Variants in PTPRN2 observed in about 807,000 individuals in gnomAD.
PTPRN2 encodes receptor-type tyrosine-protein phosphatase N2.
Under a neutral mutation model 118.8 loss-of-function variants are expected in PTPRN2, and 74 were observed. The ratio of observed to expected loss-of-function variants is 0.62; its 90% CI spans 0.52 to 0.76. The LOEUF (loss-of-function observed/expected upper bound fraction) is 0.76. Among genes scored for constraint, PTPRN2 ranks in the 30% least tolerant of loss-of-function variants. PTPRN2 has a pLI of 0.00. For missense variants in PTPRN2, 1,481 were observed against 1,394.4 expected (o/e 1.06, Z -0.99); for synonymous variants, 641 against 608.0 (o/e 1.05, Z -0.80).
intron 1 of PTPRN2, among the ~76,000 whole-genome samples, chr7:158,579,184 T>C (rs1251534085): frequency 6.6e-6 from 1 of 152,228 alleles, no homozygotes; most frequent in African/African-American, 2.4e-5. Context: ...CTCATCCTTA[T>C]TGATGTAACC....
At chr7:158,341,873 C>A (rs1275204156) in intron 2 of PTPRN2, among the ~76,000 whole-genome samples, 1 of 102,708 alleles carries the variant, frequency 9.7e-6, no homozygotes. Flanking sequence ...GCCCCGCAGG[C>A]GTCACTCACA....
chr7:158,462,966 A>G (rs1819111724), intron 2 of PTPRN2, among the ~76,000 whole-genome samples: 1 of 30,284 alleles, frequency 3.3e-5, no homozygotes, highest in Non-Finnish European at 6.8e-5. Context: ...AACTGGTTCT[A>G]TTCCCTTGTG....
intron 2 of PTPRN2, among the ~76,000 whole-genome samples, chr7:158,337,404 G>A (rs1805850479): frequency 7.3e-6 from 1 of 136,820 alleles, no homozygotes. Flanking sequence ...ACCTGCAGAC[G>A]TCCCTCACAC....
chr7:157,757,409 C>A (rs1213206002), intron 12 of PTPRN2, among the ~76,000 whole-genome samples: 1 of 152,114 alleles, frequency 6.6e-6, no homozygotes, highest in African/African-American at 2.4e-5. Context: ...GCTCACCCTC[C>A]GACTGAGGCA....
intron 12 of PTPRN2, among the ~76,000 whole-genome samples, chr7:157,702,048 G>A (rs1408832997): frequency 2.0e-5 from 3 of 151,198 alleles, no homozygotes; most frequent in East Asian, 1.9e-4. Context: ...AGCCCGGTCG[G>A]TGCTGGTGTA....
intron 11 of PTPRN2, among the ~76,000 whole-genome samples, chr7:158,075,761 C>T (rs1464041755): frequency 8.5e-5 from 13 of 152,242 alleles, no homozygotes; most frequent in Admixed American, 2.0e-4. Context: ...CTCAGCCAGG[C>T]GAGCTGTGGG....
At chr7:157,594,629 C>T (rs933832230) in intron 17 of PTPRN2, among the ~76,000 whole-genome samples, 24 of 152,244 alleles carry the variant, frequency 1.6e-4, no homozygotes, top group Non-Finnish European at 3.1e-4. Flanking sequence ...CTCACGGCCA[C>T]GTTCCAGGTT....
At chr7:158,398,952 G>A (rs1234744699) in intron 2 of PTPRN2, among the ~76,000 whole-genome samples, 1 of 152,152 alleles carries the variant, frequency 6.6e-6, no homozygotes, top group African/African-American at 2.4e-5. Context: ...TATGTAGTAC[G>A]CTGTGACTAG....
intron 12 of PTPRN2, among the ~76,000 whole-genome samples, chr7:157,816,977 C>A (rs1806446328): frequency 6.6e-6 from 1 of 152,244 alleles, no homozygotes; most frequent in Admixed American, 6.5e-5. Context: ...AGATGGGCTG[C>A]CGACCACATG....
intron 11 of PTPRN2, among the ~76,000 whole-genome samples, chr7:157,984,522 G>A (rs1217729473): frequency 3.3e-5 from 5 of 151,094 alleles, no homozygotes; most frequent in African/African-American, 1.2e-4. Context: ...CTGGCTGGAA[G>A]GTTCCCAAAC....
chr7:158,448,076 C>T (rs1817850980), intron 2 of PTPRN2, among the ~76,000 whole-genome samples: 1 of 152,186 alleles, frequency 6.6e-6, no homozygotes, highest in South Asian at 2.1e-4. Flanking sequence ...CATGGCGTGC[C>T]CCACTCCAGC....
intron 12 of PTPRN2, among the ~76,000 whole-genome samples, chr7:157,745,990 G>A (rs925501023): frequency 2.1e-5 from 3 of 141,120 alleles, no homozygotes; most frequent in Non-Finnish European, 3.1e-5. Flanking sequence ...TCCTCACAGG[G>A]CCCTGAGTGT....
rs1249040067 is a variant in PTPRN2 at position 158,340,069 on chromosome 7, TAA to T, written c.164-23139_164-23138del. Among the ~76,000 whole-genome samples, 5 of 74,660 alleles carry T rather than the reference TAA, an allele frequency of 6.7e-5. 1 individual carries two copies. The highest frequency in any genetic ancestry group is 2.4e-4 in the African/African-American group (5 of 20,478). 49.0% of individuals were successfully genotyped at this position (74,660 alleles called of 152,430 possible). ...GTCACTCACACCCACACTGTCACCA[TAA>T]GAGGTGACACCTGCAGACGTCACTC... On this transcript the variant is annotated intron_variant, in intron 2 of 22. Transcript: ENST00000389418.
At chr7:157,668,555 G>A (rs1294882089) in intron 13 of PTPRN2, among the ~76,000 whole-genome samples, 1 of 152,198 alleles carries the variant, frequency 6.6e-6, no homozygotes, top group South Asian at 2.1e-4. Context: ...GGCTCTGCTG[G>A]GGAGGAATAA....
chr7:158,442,580 A>G (rs973140832), intron 2 of PTPRN2, among the ~76,000 whole-genome samples: 2 of 152,162 alleles, frequency 1.3e-5, no homozygotes, highest in African/African-American at 4.8e-5. Context: ...ACAGGATTCC[A>G]TTTTTGTTAT....
At chr7:157,569,770 CCTT>C (rs1464879806) in intron 20 of PTPRN2, among the ~76,000 whole-genome samples, 2 of 152,348 alleles carry the variant, frequency 1.3e-5, no homozygotes, top group East Asian at 3.9e-4. Context: ...GTTTGAGAGA[CCTT>C]CTTAAAAGTA....
At chr7:158,347,898 T>G (rs1434891682) in intron 2 of PTPRN2, among the ~76,000 whole-genome samples, 1 of 152,128 alleles carries the variant, frequency 6.6e-6, no homozygotes, top group Non-Finnish European at 1.5e-5. Context: ...ACCATGGAGG[T>G]TGTGGCATTT....
At chr7:157,959,271 T>C (rs960504549) in intron 11 of PTPRN2, among the ~76,000 whole-genome samples, 3 of 152,292 alleles carry the variant, frequency 2.0e-5, no homozygotes, top group Non-Finnish European at 4.4e-5. Flanking sequence ...TAGGAAGACT[T>C]AGGGGGAAGC....
chr7:157,787,676 G>A lies in PTPRN2; in HGVS notation c.1789-104739C>T, dbSNP rs1393603639. Among the ~76,000 whole-genome samples the A allele has an allele frequency of 6.6e-6, 1 of 152,190 alleles. No homozygotes were observed. The highest frequency in any genetic ancestry group is 2.4e-5 in the African/African-American group (1 of 41,434). On this transcript the variant is annotated intron_variant, in intron 12 of 22. Transcript: ENST00000389418. The surrounding 1 kb of genome is among the most constrained non-coding windows in gnomAD (Gnocchi z 5.3). ...CCTCCCTGGGACACCCTGAACACCT[G>A]CTCTGTGGGAGACGGGGTGGTGTTT...
Sources: allele counts gnomAD v4.1 joint callset (sites outside exome capture counted in the v4.1 genomes callset), GRCh38; gene constraint gnomAD v4.1.1; non-coding constraint Gnocchi (gnomAD v3.1); transcripts MANE v1.5; gene names NCBI Gene and HGNC (gene_info 2026-07-23, HGNC 2026-07-21).